The following SUGP2 variants were observed in gnomAD, a reference collection of about 807,000 sequenced individuals.
SUGP2 encodes the protein SURP and G-patch domain-containing protein 2.
In SUGP2, 24 loss-of-function variants were observed where a neutral mutation model predicts 90.5. The observed-to-expected ratio is 0.27, with a 90% CI of 0.19 to 0.37. The LOEUF (loss-of-function observed/expected upper bound fraction) is 0.37, where lower values mean the gene tolerates loss of function less well. Ranked by LOEUF, SUGP2 falls within the 10% of genes least tolerant of loss-of-function variation. The pLI is 1.00. For synonymous variants in SUGP2, 473 were observed against 513.4 expected (o/e 0.92, Z 1.06); for missense variants, 1,233 against 1,363.3 (o/e 0.90, Z 1.51).
At chr19:18,997,800 A>AG (rs532709043) in intron 8 of SUGP2, among the ~76,000 whole-genome samples, 114 of 147,812 alleles carry the variant, frequency 7.7e-4, no homozygotes, top group South Asian at 2.1e-3. Flanking sequence ...AAAAAAAAAA[A>AG]AAAGAAAGAA....
intron 4 of SUGP2, among the ~76,000 whole-genome samples, chr19:19,013,697 G>A (rs2058387162): frequency 6.6e-6 from 1 of 152,146 alleles, no homozygotes; most frequent in Non-Finnish European, 1.5e-5. Context: ...CAATCCTGCT[G>A]AGGCTAGACC....
chr19:19,030,816 T>C, intron 2 of SUGP2, 135 bp downstream of exon 2: 1 of 1,086,490 alleles, frequency 9.2e-7, no homozygotes, highest in Non-Finnish European at 1.3e-6. Context: ...ATAAAAACCT[T>C]TACCTCCTCC....
At chr19:19,019,904 T>C (rs910264197) in intron 3 of SUGP2, among the ~76,000 whole-genome samples, 5 of 137,414 alleles carry the variant, frequency 3.6e-5, no homozygotes, top group African/African-American at 5.4e-5. Flanking sequence ...CCTAGCACTT[T>C]GGGAGGCTGA....
rs1248757756 is a variant in SUGP2, at chr19:19,026,187, T to C, written c.161A>G (p.Tyr54Cys). The part of the protein sequence containing the change: ...RAVPRSRAEM[Y>C]DDVHSDGRYS... ...TCTGCCATCGCTGTGGACGTCATCA[T>C]ACATCTCTGCTCTGGATCTTGGGAC... The change falls in exon 3 of 11, where the codon TAT becomes TGT. Residue 54 changes from tyrosine (Y) to cysteine (C), a missense_variant. By Grantham distance (194) the Tyr-to-Cys change is radical. Coordinates refer to ENST00000452918, the MANE Select transcript of SUGP2 (RefSeq NM_001017392.5). The C allele has an allele frequency of 5.0e-6, 8 of 1,610,630 alleles. No individual in the cohort carries two copies. In the African/African-American group the frequency reaches 8.0e-5, roughly 16 times the overall value.
In SUGP2 at chr19:18,991,711, T is replaced by C. The variant is rs974294981; in HGVS notation, c.*2030A>G. On this transcript the variant is annotated 3_prime_UTR_variant, in exon 11 of 11. Coordinates refer to ENST00000452918, the MANE Select transcript of SUGP2 (RefSeq NM_001017392.5). ...GGGCTGAGCCCCGCTTGGAGCTCCA[T>C]CCATTCACCTGACCCATGGCCAACA... 2 of 152,062 alleles carry C rather than the reference T, an allele frequency of 1.3e-5. No homozygotes were observed. The highest frequency in any genetic ancestry group is 2.9e-5 in the Non-Finnish European group (2 of 68,074). 9.4% of individuals were successfully genotyped at this position (152,062 alleles called of 1,614,324 possible). A position where few individuals can be genotyped will look rare whatever the true frequency, so the allele number is the denominator to read the frequency against.
At chr19:19,026,992 G>A (rs1040035625) in intron 2 of SUGP2, among the ~76,000 whole-genome samples, 1 of 152,142 alleles carries the variant, frequency 6.6e-6, no homozygotes, top group Admixed American at 6.6e-5. Context: ...TAGAAAAGGG[G>A]AAATGGGCCA....
Position 19,010,493 on chromosome 19 carries a change from G to A in SUGP2, c.1851-151C>T, listed in dbSNP as rs185758299. The stretch of plus-strand genomic sequence containing the variant: ...TGCCTGGCTCTACTGAGGACCCAGA[G>A]CTAGGCCCAAGACAGCTGCCCTGCT... On this transcript the variant is annotated intron_variant, in intron 4 of 10. Transcript: ENST00000452918. 697 of 1,098,946 alleles carry A rather than the reference G, an allele frequency of 6.3e-4. 5 individuals are homozygous for A. The African/African-American group carries it at 9.7e-3, about 15-fold the overall frequency. 68.1% of individuals were successfully genotyped at this position (1,098,946 alleles called of 1,614,324 possible). A position where few individuals can be genotyped will look rare whatever the true frequency, so the allele number is the denominator to read the frequency against.
intron 10 of SUGP2, chr19:18,993,999 G>C (rs2057468013): frequency 5.7e-6 from 1 of 175,238 alleles, no homozygotes; most frequent in Admixed American, 6.2e-5. Flanking sequence ...CATGTTATGT[G>C]GTAGGTGGCT....
chr19:19,031,601 G>C (rs2059153760), intron 1 of SUGP2, among the ~76,000 whole-genome samples: 1 of 151,896 alleles, frequency 6.6e-6, no homozygotes, highest in South Asian at 2.1e-4. Flanking sequence ...TACTCAGGAG[G>C]CTGAGGCATG....
intron 5 of SUGP2, among the ~76,000 whole-genome samples, chr19:19,009,001 TC>T (rs1185140195): frequency 6.6e-6 from 1 of 152,064 alleles, no homozygotes; most frequent in Non-Finnish European, 1.5e-5. Flanking sequence ...AACCTCCGCC[TC>T]CCGGGTTCAA....
intron 7 of SUGP2, 115 bp from the exon 8 acceptor site, chr19:19,001,789 C>A: frequency 9.6e-7 from 1 of 1,038,446 alleles, no homozygotes; most frequent in South Asian, 1.3e-5. Context: ...CAGAAGGTGT[C>A]TTAGGCTCTG....
chr19:19,004,280 C>T lies in SUGP2; in HGVS notation c.2817G>A (p.Leu939=). 2 of 1,613,944 alleles carry T rather than the reference C, an allele frequency of 1.2e-6. No homozygotes were observed. The highest frequency in any genetic ancestry group is 1.7e-6 in the Non-Finnish European group (2 of 1,179,824). The change falls in exon 7 of 11, where the codon TTG becomes TTA. Residue 939 remains leucine (L), a synonymous_variant. Coordinates refer to ENST00000452918, the MANE Select transcript of SUGP2 (RefSeq NM_001017392.5). The part of the protein sequence containing the change: ...AEDDLAGAPA[L]SQASSGTCFP... ...AGCAGGTACCTGAGGAGGCCTGTGA[C>T]AAGGCAGGTGCTCCAGCCAGGTCGT...
At chr19:19,027,322 G>T (rs1472167612) in intron 2 of SUGP2, among the ~76,000 whole-genome samples, 1 of 152,142 alleles carries the variant, frequency 6.6e-6, no homozygotes, top group African/African-American at 2.4e-5. Flanking sequence ...GAACAGGGAA[G>T]GAGAGGTGCC....
rs979287007 is a variant in SUGP2, at chr19:19,033,481, C to G, written c.-56G>C. The G allele has an allele frequency of 5.0e-6, 7 of 1,410,278 alleles. No homozygotes were observed. The highest frequency in any genetic ancestry group is 2.7e-5 in the Admixed American group (1 of 36,602). The allele number at this position is 1,410,278 out of a possible 1,614,324, so 87.4% of individuals were successfully genotyped here. ...GAGCCACCCCCGCCGCCGCCTCAGG[C>G]TCCTCACCCGCCGCCGCCGCCGCGC... On this transcript the variant is annotated 5_prime_UTR_variant, in exon 1 of 11. Transcript: ENST00000452918.
Position 18,995,296 on chromosome 19 carries a change from A to T in SUGP2, c.2992-16T>A. The T allele has an allele frequency of 6.3e-7, 1 of 1,586,378 alleles. No individual in the cohort carries two copies. Among genetic ancestry groups the T allele is most frequent in the Non-Finnish European group, 8.6e-7 (1 of 1,165,544 alleles). On this transcript the variant is annotated splice_polypyrimidine_tract_variant and intron_variant, in intron 8 of 10. Coordinates refer to ENST00000452918, the MANE Select transcript of SUGP2 (RefSeq NM_001017392.5). ...CCTTGGGTTTCTGAGGAGAGAGGAGAGTCCAGGCATGTGGGCCACAGGGAG... is the reference window on the plus strand; with the variant it reads ...CCTTGGGTTTCTGAGGAGAGAGGAGTGTCCAGGCATGTGGGCCACAGGGAG...
At position 18,991,929 on chromosome 19, in the gene SUGP2, C is replaced by T. The variant is rs914668889; in HGVS notation, c.*1812G>A. On this transcript the variant is annotated 3_prime_UTR_variant, in exon 11 of 11. Coordinates refer to ENST00000452918, the MANE Select transcript of SUGP2 (RefSeq NM_001017392.5). ...CATAAAGATCTGCCAGTTGCCAAAGCTACAGAAGCCACTGGAAGCAAGCAG... is the reference window on the plus strand; with the variant it reads ...CATAAAGATCTGCCAGTTGCCAAAGTTACAGAAGCCACTGGAAGCAAGCAG... 6.6e-6 allele frequency: 1 copy of T among 152,258 alleles called. No homozygotes were observed. The allele number at this position is 152,258 out of a possible 1,614,324, so 9.4% of individuals were successfully genotyped here.
intron 4 of SUGP2, among the ~76,000 whole-genome samples, chr19:19,017,674 A>T (rs1217764897): frequency 1.3e-5 from 2 of 152,156 alleles, no homozygotes; most frequent in Non-Finnish European, 2.9e-5. Flanking sequence ...TGGGAGGCTG[A>T]GGCACAAGAA....
chr19:19,019,310 G>A lies in SUGP2; in HGVS notation c.1730-81C>T, dbSNP rs888765850. ...GACGAGGATAGTTGAGTAGTTGGGG[G>A]CTTAGTGCTGAACCCAAGCAGGCAT... is the stretch of plus-strand genomic sequence containing the variant. On this transcript the variant is annotated intron_variant, in intron 3 of 10. Transcript: ENST00000452918. 3 of 1,485,482 alleles carry A rather than the reference G, an allele frequency of 2.0e-6. No homozygotes were observed. The African/African-American group carries it at 4.2e-5, about 21-fold the overall frequency. 92.0% of individuals were successfully genotyped at this position (1,485,482 alleles called of 1,614,324 possible). A position where few individuals can be genotyped will look rare whatever the true frequency, so the allele number is the denominator to read the frequency against.
intron 2 of SUGP2, among the ~76,000 whole-genome samples, chr19:19,027,159 C>G (rs946545506): frequency 6.6e-6 from 1 of 152,138 alleles, no homozygotes; most frequent in Non-Finnish European, 1.5e-5. Context: ...CTTGCATTTG[C>G]TTAATCACAC....
Sources: allele counts gnomAD v4.1 joint callset (sites outside exome capture counted in the v4.1 genomes callset), GRCh38; gene constraint gnomAD v4.1.1; transcripts MANE v1.5; gene names NCBI Gene and HGNC (gene_info 2026-07-23, HGNC 2026-07-21).